The following KCMF1 variants were observed in gnomAD, a reference collection of about 807,000 sequenced individuals.
The protein encoded by KCMF1 is potassium channel modulatory factor 1, also known as E3 ubiquitin-protein ligase KCMF1.
A neutral mutation model predicts 41.1 loss-of-function variants in KCMF1; 3 were observed. The ratio of observed to expected loss-of-function variants is 0.07; its 90% CI spans 0.03 to 0.19. The LOEUF is 0.19. Among genes scored for constraint, KCMF1 ranks in the 10% least tolerant of loss-of-function variants. The probability of loss-of-function intolerance (pLI) is 1.00; values close to 1 mark genes in which losing one functional copy is unlikely to be tolerated. For synonymous variants in KCMF1, 142 were observed against 164.5 expected, an observed-to-expected ratio of 0.86 and a Z score of 1.04; for missense variants, 286 against 488.9, an observed-to-expected ratio of 0.58 and a Z score of 3.91.
chr2:85,046,749 C>A (rs1328194286), intron 5 of KCMF1, among the ~76,000 whole-genome samples: 2 of 151,952 alleles, frequency 1.3e-5, no homozygotes, highest in African/African-American at 4.8e-5. Context: ...GTGTTAAAAG[C>A]AGACACTTAA....
chr2:85,024,943 C>T (rs879422612), intron 1 of KCMF1, among the ~76,000 whole-genome samples: 15 of 152,110 alleles, frequency 9.9e-5, no homozygotes, highest in African/African-American at 2.7e-4. Context: ...ACCCTGGTGC[C>T]ATTCCATCTT....
chr2:85,048,522 A>C (rs1056352624), intron 5 of KCMF1, among the ~76,000 whole-genome samples: 1 of 152,236 alleles, frequency 6.6e-6, no homozygotes, highest in Non-Finnish European at 1.5e-5. Flanking sequence ...TTAATGATAA[A>C]GAGTTTTTGC....
chr2:85,045,545 G>A (rs1235721680), intron 4 of KCMF1, among the ~76,000 whole-genome samples: 1 of 152,146 alleles, frequency 6.6e-6, no homozygotes, highest in Non-Finnish European at 1.5e-5. Flanking sequence ...TTGCCTTTGT[G>A]GAAACGTAAG....
At chr2:85,020,035 CT>C (rs1292274118) in intron 1 of KCMF1, among the ~76,000 whole-genome samples, 13 of 152,152 alleles carry the variant, frequency 8.5e-5, no homozygotes, top group African/African-American at 3.1e-4. Context: ...CTACCACCCC[CT>C]ATCCCTTATG....
intron 1 of KCMF1, among the ~76,000 whole-genome samples, chr2:85,024,454 C>T (rs1675034886): frequency 6.6e-6 from 1 of 151,936 alleles, no homozygotes; most frequent in Non-Finnish European, 1.5e-5. Flanking sequence ...GCCCCGGCGA[C>T]AGAGTGAGAC....
At chr2:85,023,088 T>C (rs1009738895) in intron 1 of KCMF1, among the ~76,000 whole-genome samples, 30 of 149,938 alleles carry the variant, frequency 2.0e-4, no homozygotes, top group South Asian at 4.2e-4. Flanking sequence ...GGGGTTTCAC[T>C]GTGTTAGCCA....
chr2:85,038,716 T>G (rs894201090), intron 3 of KCMF1, among the ~76,000 whole-genome samples: 1 of 152,184 alleles, frequency 6.6e-6, no homozygotes, highest in Non-Finnish European at 1.5e-5. Context: ...TCATCACTCT[T>G]CTGTGGAAAA....
At chr2:84,988,279 G>A (rs1255896067) in intron 1 of KCMF1, among the ~76,000 whole-genome samples, 1 of 151,974 alleles carries the variant, frequency 6.6e-6, no homozygotes, top group African/African-American at 2.4e-5. Flanking sequence ...GGGAAGTAGA[G>A]TAGATGAAGA....
intron 1 of KCMF1, among the ~76,000 whole-genome samples, chr2:85,027,366 CTTTTTTTTT>C (rs934531367): frequency 3.0e-5 from 2 of 65,742 alleles, no homozygotes; most frequent in Admixed American, 1.8e-4. Flanking sequence ...CTTATCAAGG[CTTTTTTTTT>C]TTTTTTTTTT....
chr2:85,028,530 C>T (rs1280276859), intron 2 of KCMF1, among the ~76,000 whole-genome samples: 2 of 137,298 alleles, frequency 1.5e-5, no homozygotes, highest in Non-Finnish European at 3.1e-5. Context: ...TACCCTGTCG[C>T]CTAGGCTGGA....
At chr2:85,047,509 A>G (rs1675699807) in intron 5 of KCMF1, among the ~76,000 whole-genome samples, 1 of 151,962 alleles carries the variant, frequency 6.6e-6, no homozygotes, top group South Asian at 2.1e-4. Flanking sequence ...AAAGGAAAGT[A>G]GGACTTAATG....
intron 1 of KCMF1, among the ~76,000 whole-genome samples, chr2:84,992,026 C>T (rs765861239): frequency 6.6e-6 from 1 of 152,132 alleles, no homozygotes; most frequent in Non-Finnish European, 1.5e-5. Context: ...TTAAGTTTTT[C>T]CTGAGATAAT....
At chr2:84,977,705 G>A (rs1161264269) in intron 1 of KCMF1, among the ~76,000 whole-genome samples, 1 of 151,932 alleles carries the variant, frequency 6.6e-6, no homozygotes, top group Non-Finnish European at 1.5e-5. Context: ...ATAGGTGTGA[G>A]CTGCCATGCC....
At chr2:84,987,048 G>C (rs1372890804) in intron 1 of KCMF1, among the ~76,000 whole-genome samples, 1 of 152,204 alleles carries the variant, frequency 6.6e-6, no homozygotes, top group Non-Finnish European at 1.5e-5. Flanking sequence ...TTGTCAAGAT[G>C]AAATGGCGGT....
chr2:85,009,982 G>T (rs554430441), intron 1 of KCMF1, among the ~76,000 whole-genome samples: 3 of 152,280 alleles, frequency 2.0e-5, no homozygotes, highest in Non-Finnish European at 4.4e-5. Context: ...TGGATTCTTA[G>T]CTTTCCCCTT....
At position 85,049,631 on chromosome 2, in the gene KCMF1, C is replaced by T. The variant is rs1417162165; in HGVS notation, c.867C>T (p.Ser289=). The change falls in exon 6 of 7, where the codon TCC becomes TCT. Residue 289 remains serine, a synonymous_variant. Coordinates refer to ENST00000409785, the MANE Select transcript of KCMF1 (RefSeq NM_020122.5). ...TESSQQTLQN[S]QFLLTRLNDP... ...GCAGTCAGCAGACTCTACAGAATTC[C>T]CAGTTTCTTTTAACAAGGTAGCTCA... The T allele has an allele frequency of 1.9e-6, 3 of 1,612,148 alleles. No homozygotes were observed. Among genetic ancestry groups the T allele is most frequent in the African/African-American group, 2.7e-5 (2 of 74,988 alleles).
intron 1 of KCMF1, among the ~76,000 whole-genome samples, chr2:84,992,349 G>A (rs1295604521): frequency 4.6e-5 from 7 of 151,912 alleles, no homozygotes; most frequent in East Asian, 1.9e-4. Flanking sequence ...TCTGCCTGCC[G>A]GGTTCAAGTG....
intron 1 of KCMF1, among the ~76,000 whole-genome samples, chr2:84,973,322 A>G (rs1673449022): frequency 6.6e-6 from 1 of 152,254 alleles, no homozygotes; most frequent in South Asian, 2.1e-4. Flanking sequence ...TATTTGGAAC[A>G]TTCTTGAATG....
intron 1 of KCMF1, among the ~76,000 whole-genome samples, chr2:85,024,377 G>T (rs866070329): frequency 7.9e-5 from 12 of 152,158 alleles, no homozygotes; most frequent in African/African-American, 2.9e-4. Context: ...GGAGGCTGAG[G>T]CAGGAGAATT....
Sources: allele counts gnomAD v4.1 joint callset (sites outside exome capture counted in the v4.1 genomes callset), GRCh38; gene constraint gnomAD v4.1.1; transcripts MANE v1.5; gene names NCBI Gene and HGNC (gene_info 2026-07-23, HGNC 2026-07-21).